The following MDM1 variants were observed in gnomAD, a reference collection of about 807,000 sequenced individuals.
MDM1 encodes Mdm1 nuclear protein.
In MDM1, 61 loss-of-function variants were observed where a neutral mutation model predicts 89.1. The observed-to-expected ratio is 0.68, with a 90% CI of 0.56 to 0.85. The LOEUF (loss-of-function observed/expected upper bound fraction) is 0.85. Among genes scored for constraint, MDM1 ranks in the 40% least tolerant of loss-of-function variants. The probability of loss-of-function intolerance (pLI) is 0.00; values close to 1 mark genes in which losing one functional copy is unlikely to be tolerated. For synonymous variants in MDM1, 290 were observed against 294.1 expected, an observed-to-expected ratio of 0.99 and a Z score of 0.14; for missense variants, 820 against 846.5, an observed-to-expected ratio of 0.97 and a Z score of 0.39.
chr12:68,295,231 A>T lies in MDM1; in HGVS notation c.*23T>A. ...AGAAAAATTATGCCAATGTTTCCTTAGATAAAGGCAACTCAGCTAGGTTTA... is the reference window on the plus strand; with the variant it reads ...AGAAAAATTATGCCAATGTTTCCTTTGATAAAGGCAACTCAGCTAGGTTTA... On this transcript the variant is annotated 3_prime_UTR_variant, in exon 15 of 15. Transcript: ENST00000682720. 6.7e-7 allele frequency: 1 copy of T among 1,489,056 alleles called. No individual in the cohort carries two copies. Among genetic ancestry groups the T allele is most frequent in the Non-Finnish European group, 9.2e-7 (1 of 1,085,052 alleles). The allele number at this position is 1,489,056 out of a possible 1,614,324, so 92.2% of individuals were successfully genotyped here.
intron 7 of MDM1, among the ~76,000 whole-genome samples, chr12:68,317,895 C>CT (rs1874708228): frequency 1.3e-5 from 2 of 152,246 alleles, no homozygotes; most frequent in Non-Finnish European, 2.9e-5. Context: ...ACCTACATGC[C>CT]TCAGCATCAC....
chr12:68,327,402 G>T, intron 2 of MDM1: 1 of 1,535,678 alleles, frequency 6.5e-7, no homozygotes, highest in Non-Finnish European at 8.7e-7. Flanking sequence ...CCCTGGTACT[G>T]TCAAAATTTG....
Position 68,316,588 on chromosome 12 carries a change from T to A in MDM1, c.1028A>T (p.Tyr343Phe). The A allele has an allele frequency of 6.5e-7, 1 of 1,535,000 alleles. No homozygotes were observed. Among genetic ancestry groups the A allele is most frequent in the Non-Finnish European group, 8.7e-7 (1 of 1,146,008 alleles). ...PNQGSLNAMWYAEVKELREKA... is the reference protein window; with the variant it reads ...PNQGSLNAMWFAEVKELREKA... ...AACTCAAAAGCAACCAACCTCAGCA[T>A]ACCACATGGCATTTAGAGAACCCTA... is the stretch of plus-strand genomic sequence containing the variant. Residue 343 changes from tyrosine (Y) to phenylalanine (F), a missense_variant, in exon 8 of 15, where the codon TAT becomes TTT. Coordinates refer to ENST00000682720, the MANE Select transcript of MDM1 (RefSeq NM_001354969.2).
At chr12:68,314,691 G>A (rs1020095434) in intron 10 of MDM1, among the ~76,000 whole-genome samples, 8 of 152,068 alleles carry the variant, frequency 5.3e-5, no homozygotes, top group African/African-American at 1.9e-4. Context: ...ATTATAGGAC[G>A]TAAATGAAAA....
At chr12:68,306,822 T>C (rs371098567) in intron 12 of MDM1, among the ~76,000 whole-genome samples, 80 of 152,288 alleles carry the variant, frequency 5.3e-4, no homozygotes, top group African/African-American at 1.9e-3. Flanking sequence ...AGAACTACCA[T>C]TCAACCCAGC....
In MDM1 at chr12:68,303,905, A is replaced by T. The variant is rs116850176; in HGVS notation, c.1750-1033T>A. On this transcript the variant is annotated intron_variant, in intron 12 of 14. Transcript: ENST00000682720. ...TTGCTGTTTTCCACAATGACTATGTATCACTGTCCTAGAAGTCAAGAACAA... is the reference window on the plus strand; with the variant it reads ...TTGCTGTTTTCCACAATGACTATGTTTCACTGTCCTAGAAGTCAAGAACAA... Among the ~76,000 whole-genome samples, 60 of 152,324 alleles carry T rather than the reference A, an allele frequency of 3.9e-4. No homozygotes were observed. In the East Asian group the frequency reaches 0.01, roughly 25 times the overall value.
intron 4 of MDM1, among the ~76,000 whole-genome samples, chr12:68,324,637 G>C (rs745670658): frequency 6.6e-6 from 1 of 152,104 alleles, no homozygotes; most frequent in Non-Finnish European, 1.5e-5. Context: ...TGACGTACAG[G>C]AGAAAATGAA....
At chr12:68,299,518 T>C (rs191516462) in intron 13 of MDM1, among the ~76,000 whole-genome samples, 3 of 152,004 alleles carry the variant, frequency 2.0e-5, no homozygotes, top group Non-Finnish European at 4.4e-5. Flanking sequence ...GTTTCAAAAA[T>C]AGACTAGAAC....
chr12:68,300,502 A>G lies in MDM1; in HGVS notation c.2002+2118T>C, dbSNP rs543498361. 8.5e-5 allele frequency among the ~76,000 whole-genome samples: 13 copies of G among 152,310 alleles called. No homozygotes were observed. The South Asian group carries it at 2.7e-3, about 32-fold the overall frequency. The stretch of plus-strand genomic sequence containing the variant: ...TCCATGCAAATGGAAACCAAAAGCA[A>G]GCAGGAGTCTTATATCAGGCAAAAC... On this transcript the variant is annotated intron_variant, in intron 13 of 14. Transcript: ENST00000682720.
At chr12:68,320,556 T>C (rs1381024779) in intron 7 of MDM1, among the ~76,000 whole-genome samples, 1 of 152,216 alleles carries the variant, frequency 6.6e-6, no homozygotes, top group Non-Finnish European at 1.5e-5. Flanking sequence ...AGGCTGATTA[T>C]ATATAATTGT....
intron 4 of MDM1, 102 bp downstream of exon 4, chr12:68,325,339 G>T: frequency 7.3e-7 from 1 of 1,373,720 alleles, no homozygotes; most frequent in Non-Finnish European, 9.5e-7. Context: ...CTACCTCCAG[G>T]CTACTTAAGT....
At chr12:68,330,635 C>T (rs1264305882) in intron 2 of MDM1, 1 of 153,390 alleles carries the variant, frequency 6.5e-6, no homozygotes, top group African/African-American at 2.4e-5. Context: ...TTCAGACCGC[C>T]AATAAATTTG....
intron 12 of MDM1, among the ~76,000 whole-genome samples, chr12:68,306,212 A>C (rs1484781720): frequency 6.6e-6 from 1 of 152,130 alleles, no homozygotes; most frequent in African/African-American, 2.4e-5. Context: ...CTGGCTGGCC[A>C]TATGTAGAAG....
chr12:68,318,942 G>A (rs770802754), intron 7 of MDM1, among the ~76,000 whole-genome samples: 63 of 152,152 alleles, frequency 4.1e-4, no homozygotes, highest in Non-Finnish European at 6.9e-4. Flanking sequence ...CCAAAATGAG[G>A]GGTCACTTTA....
rs1757438085 is a variant in MDM1, at chr12:68,332,223, C to G, written c.18+5G>C. Reference sequence around the variant, plus strand: ...CACATTCCGGCCCGGGGACCCCAGCCTCACCTTGAAGCGCACCGGCATGTC... The same window carrying G: ...CACATTCCGGCCCGGGGACCCCAGCGTCACCTTGAAGCGCACCGGCATGTC... On this transcript the variant is annotated splice_donor_5th_base_variant and intron_variant, in intron 1 of 14. Transcript: ENST00000682720. 1 of 1,575,334 alleles carries G rather than the reference C, an allele frequency of 6.3e-7. No homozygotes were observed. Among genetic ancestry groups the G allele is most frequent in the African/African-American group, 1.4e-5 (1 of 74,054 alleles).
intron 14 of MDM1, 77 bp downstream of exon 14, chr12:68,296,846 G>A (rs918912677): frequency 4.2e-6 from 4 of 960,050 alleles, no homozygotes; most frequent in Non-Finnish European, 6.0e-6. Flanking sequence ...AAGCTATAAA[G>A]TGCTAATCAA....
At chr12:68,313,825 T>A (rs1874061113) in intron 10 of MDM1, 72 bp from the exon 11 acceptor site, 1 of 1,298,532 alleles carries the variant, frequency 7.7e-7, no homozygotes, top group East Asian at 2.3e-5. Context: ...TACTTTGCCA[T>A]CATTGTGCAA....
intron 2 of MDM1, among the ~76,000 whole-genome samples, chr12:68,327,861 A>G (rs1046390880): frequency 2.6e-5 from 4 of 152,184 alleles, no homozygotes; most frequent in African/African-American, 9.7e-5. Context: ...CACTGGGTGG[A>G]TATCTGTCTG....
At chr12:68,297,899 A>C (rs1871621705) in intron 13 of MDM1, among the ~76,000 whole-genome samples, 1 of 152,230 alleles carries the variant, frequency 6.6e-6, no homozygotes, top group South Asian at 2.1e-4. Flanking sequence ...AAAAACTAAC[A>C]GACGGCATGT....
Sources: gnomAD v4.1 joint callset for allele counts (sites outside exome capture counted in the v4.1 genomes callset) on GRCh38, gnomAD v4.1.1 for gene constraint, MANE v1.5 for transcripts, NCBI Gene and HGNC (gene_info 2026-07-23, HGNC 2026-07-21) for gene names.